ERBB4: variants seen among roughly 807,000 people sequenced by gnomAD.
The protein encoded by ERBB4 is receptor tyrosine-protein kinase erbB-4.
In ERBB4, 42 loss-of-function variants were observed where a neutral mutation model predicts 158.0. The observed-to-expected ratio is 0.27, with a 90% CI of 0.21 to 0.34. The LOEUF (loss-of-function observed/expected upper bound fraction) is 0.34. ERBB4 is among the 10% of genes least tolerant of loss of function. The probability of loss-of-function intolerance (pLI) is 1.00; values close to 1 mark genes in which losing one functional copy is unlikely to be tolerated. For synonymous variants in ERBB4, 583 were observed against 558.7 expected (o/e 1.04, Z -0.61); for missense variants, 1,333 against 1,624.1 (o/e 0.82, Z 3.08).
At chr2:212,029,128 G>T (rs2076842962) in intron 2 of ERBB4, among the ~76,000 whole-genome samples, 1 of 152,014 alleles carries the variant, frequency 6.6e-6, no homozygotes, top group African/African-American at 2.4e-5. Flanking sequence ...TGCATAAATT[G>T]CCCCTTAATC....
At chr2:212,382,193 CAT>C (rs950393782) in intron 1 of ERBB4, among the ~76,000 whole-genome samples, 3 of 147,216 alleles carry the variant, frequency 2.0e-5, no homozygotes, top group Non-Finnish European at 4.6e-5. Context: ...CATATAAACA[CAT>C]ATAAATATAT....
intron 2 of ERBB4, among the ~76,000 whole-genome samples, chr2:212,021,551 C>T (rs2076649581): frequency 6.6e-6 from 1 of 152,056 alleles, no homozygotes; most frequent in Non-Finnish European, 1.5e-5. Flanking sequence ...CCATTTCTCA[C>T]CACTTATACA....
At chr2:211,571,112 G>A (rs528976558) in intron 19 of ERBB4, among the ~76,000 whole-genome samples, 2 of 133,686 alleles carry the variant, frequency 1.5e-5, no homozygotes, top group African/African-American at 5.7e-5. Flanking sequence ...GCACAATCTC[G>A]GCTCATTGCA....
At chr2:212,303,948 TA>T (rs1559969277) in intron 1 of ERBB4, among the ~76,000 whole-genome samples, 1 of 151,618 alleles carries the variant, frequency 6.6e-6, no homozygotes, top group Non-Finnish European at 1.5e-5. Flanking sequence ...ACAAATGATT[TA>T]AAAAATAGAT....
chr2:212,486,665 A>C (rs1259965750), intron 1 of ERBB4, among the ~76,000 whole-genome samples: 1 of 152,184 alleles, frequency 6.6e-6, no homozygotes, highest in African/African-American at 2.4e-5. Context: ...ATTATAAAAA[A>C]CGTGTAGTAT....
intron 1 of ERBB4, among the ~76,000 whole-genome samples, chr2:212,478,612 T>A (rs1054413942): frequency 6.6e-6 from 1 of 152,058 alleles, no homozygotes; most frequent in Non-Finnish European, 1.5e-5. Context: ...GTTCCCATTG[T>A]CCTGAAAGTT....
intron 2 of ERBB4, among the ~76,000 whole-genome samples, chr2:212,003,589 C>T (rs1334474718): frequency 1.3e-5 from 2 of 152,096 alleles, no homozygotes; most frequent in Non-Finnish European, 2.9e-5. Context: ...CCTTTACAAT[C>T]CCCATCTCCT....
chr2:211,938,172 A>C (rs2080381248), intron 3 of ERBB4, among the ~76,000 whole-genome samples: 1 of 152,200 alleles, frequency 6.6e-6, no homozygotes, highest in Non-Finnish European at 1.5e-5. Flanking sequence ...TCCTCAAAAA[A>C]TAATCACATT....
chr2:212,287,754 G>A (rs1270457338), intron 1 of ERBB4, among the ~76,000 whole-genome samples: 1 of 152,160 alleles, frequency 6.6e-6, no homozygotes, highest in Non-Finnish European at 1.5e-5. Context: ...ACGACATTAT[G>A]TCCTTTGCAG....
intron 1 of ERBB4, among the ~76,000 whole-genome samples, chr2:212,217,683 G>C (rs1281119222): frequency 6.6e-6 from 1 of 151,212 alleles, no homozygotes; most frequent in African/African-American, 2.4e-5. Flanking sequence ...AATTTAAACA[G>C]ACCCATTAAA....
At chr2:211,871,160 A>G (rs1575286963) in intron 3 of ERBB4, among the ~76,000 whole-genome samples, 2 of 152,156 alleles carry the variant, frequency 1.3e-5, no homozygotes, top group East Asian at 1.9e-4. Flanking sequence ...ACACCAGAAA[A>G]GAGGATAATA....
intron 16 of ERBB4, among the ~76,000 whole-genome samples, chr2:211,648,065 C>A (rs529401785): frequency 6.6e-6 from 1 of 151,844 alleles, no homozygotes; most frequent in Non-Finnish European, 1.5e-5. Flanking sequence ...TGCTTGATGA[C>A]CCAGACTCCT....
intron 25 of ERBB4, among the ~76,000 whole-genome samples, chr2:211,414,106 AC>A (rs1015032239): frequency 4.6e-5 from 7 of 151,936 alleles, no homozygotes; most frequent in Admixed American, 3.3e-4. Flanking sequence ...CTCTCTGGGG[AC>A]CCTTCCCTAT....
rs761985910 is a variant in ERBB4 at position 211,383,867 on chromosome 2, G to C, written c.3675C>G (p.Asn1225Lys). The change falls in exon 28 of 28, where the codon AAC (asparagine) becomes AAG (lysine). Residue 1225 changes from asparagine to lysine, a missense_variant. Asn to Lys is a moderately conservative substitution (Grantham distance 94, BLOSUM62 0). Around this residue, in one of 5 missense-constraint regions of ERBB4, gnomAD observed 84 missense variants for 110.8 expected, o/e 0.76. Transcript: ENST00000342788. ...TLGKAEYLKN[N>K]ILSMPEKAKK... ...TGGCCTTCTCTGGCATTGACAGTAT[G>C]TTGTTCTTCAGGTACTCAGCTTTTC... 1 of 1,614,156 alleles carries C rather than the reference G, an allele frequency of 6.2e-7. No homozygotes were observed. The highest frequency in any genetic ancestry group is 8.5e-7 in the Non-Finnish European group (1 of 1,180,024).
At chr2:212,487,129 A>C (rs1009532530) in intron 1 of ERBB4, among the ~76,000 whole-genome samples, 1 of 152,084 alleles carries the variant, frequency 6.6e-6, no homozygotes. Context: ...TATTTCTTTT[A>C]ATTCTCTGAT....
chr2:211,483,996 G>T (rs1191491238), intron 20 of ERBB4, among the ~76,000 whole-genome samples: 1 of 152,178 alleles, frequency 6.6e-6, no homozygotes, highest in African/African-American at 2.4e-5. Flanking sequence ...ATAAAGGAAA[G>T]ACTTTTTTAG....
At chr2:211,529,065 G>GT (rs1329187646) in intron 20 of ERBB4, among the ~76,000 whole-genome samples, 2 of 150,868 alleles carry the variant, frequency 1.3e-5, no homozygotes, top group Non-Finnish European at 3.0e-5. Flanking sequence ...AAAAAGTTGG[G>GT]TTTTTTTGAA....
At chr2:212,390,098 G>T (rs931631277) in intron 1 of ERBB4, among the ~76,000 whole-genome samples, 1 of 151,840 alleles carries the variant, frequency 6.6e-6, no homozygotes, top group African/African-American at 2.4e-5. Flanking sequence ...TACTTTAAAT[G>T]AGGAAAAGCT....
At chr2:212,025,660 C>A (rs1390337842) in intron 2 of ERBB4, among the ~76,000 whole-genome samples, 1 of 151,650 alleles carries the variant, frequency 6.6e-6, no homozygotes, top group African/African-American at 2.4e-5. Flanking sequence ...ATTAGCTTAT[C>A]AAGAACTTCT....
Sources: allele counts gnomAD v4.1 joint callset (sites outside exome capture counted in the v4.1 genomes callset), GRCh38; gene constraint gnomAD v4.1.1; regional missense constraint gnomAD v4.1.1; transcripts MANE v1.5; gene names NCBI Gene and HGNC (gene_info 2026-07-23, HGNC 2026-07-21).